KCTD16: variants seen among roughly 807,000 people sequenced by gnomAD.
KCTD16 encodes the protein potassium channel tetramerization domain containing 16, also known as BTB/POZ domain-containing protein KCTD16.
A neutral mutation model predicts 33.2 loss-of-function variants in KCTD16; 13 were observed. That is an observed-to-expected ratio of 0.39 (90% CI 0.25 to 0.62). KCTD16 has a LOEUF of 0.62. Among genes scored for constraint, KCTD16 ranks in the 20% least tolerant of loss-of-function variants. KCTD16 has a pLI of 0.50. For missense variants in KCTD16, 441 were observed against 525.1 expected (o/e 0.84, Z 1.57); for synonymous variants, 197 against 195.3 (o/e 1.01, Z -0.07).
At position 144,328,502 on chromosome 5, in the gene KCTD16, C is replaced by CT. The variant is rs959875687; in HGVS notation, c.832+120966dup. ...GATAGGACCAGGAAGCGAATATCCTCTTTTTTTTTTATTTTTTTTATTTTT... is the reference window on the plus strand; with the variant it reads ...GATAGGACCAGGAAGCGAATATCCTCTTTTTTTTTTTATTTTTTTTATTTTT... On this transcript the variant is annotated intron_variant, in intron 3 of 3. Transcript: ENST00000512467. 3.1e-3 allele frequency among the ~76,000 whole-genome samples: 455 copies of CT among 149,080 alleles called. 1 individual carries two copies. Among genetic ancestry groups the CT allele is most frequent in the Non-Finnish European group, 4.2e-3 (282 of 67,108 alleles).
At chr5:144,363,051 T>C (rs1330428689) in intron 3 of KCTD16, among the ~76,000 whole-genome samples, 2 of 152,190 alleles carry the variant, frequency 1.3e-5, no homozygotes, top group African/African-American at 4.8e-5. Context: ...ATTTGTTCTT[T>C]GAAGAAAATG....
At chr5:144,337,023 A>G (rs942449175) in intron 3 of KCTD16, among the ~76,000 whole-genome samples, 18 of 151,374 alleles carry the variant, frequency 1.2e-4, no homozygotes, top group African/African-American at 4.4e-4. Context: ...TGCTATATTA[A>G]CATACTGTTC....
Position 144,199,706 on chromosome 5 carries a change from CATT to C in KCTD16, c.-326-6682_-326-6680del, listed in dbSNP as rs1753005170. Among the ~76,000 whole-genome samples, 6 of 102,460 alleles carry C rather than the reference CATT, an allele frequency of 5.9e-5. No individual in the cohort carries two copies. In the South Asian group the frequency reaches 1.9e-3, roughly 32 times the overall value. The allele number at this position is 102,460 out of a possible 152,430, so 67.2% of individuals were successfully genotyped here. A position where few individuals can be genotyped will look rare whatever the true frequency, so the allele number is the denominator to read the frequency against. Reference sequence around the variant, plus strand: ...TTGACCATTTGTTCCAGAACAGCTTCATTTTTTTTTTTTTTTTTTTTTTTTTTT... The same window carrying C: ...TTGACCATTTGTTCCAGAACAGCTTCTTTTTTTTTTTTTTTTTTTTTTTTT... On this transcript the variant is annotated intron_variant, in intron 2 of 3. Coordinates refer to ENST00000512467, the MANE Select transcript of KCTD16 (RefSeq NM_020768.4).
chr5:144,296,750 G>A (rs1344121856), intron 3 of KCTD16, among the ~76,000 whole-genome samples: 1 of 151,920 alleles, frequency 6.6e-6, no homozygotes, highest in Non-Finnish European at 1.5e-5. Context: ...GTTTTGAGAA[G>A]TCAAGGTTAA....
At chr5:144,201,123 G>T (rs1371198571) in intron 2 of KCTD16, among the ~76,000 whole-genome samples, 1 of 152,194 alleles carries the variant, frequency 6.6e-6, no homozygotes, top group African/African-American at 2.4e-5. Context: ...GTTTGAGTCA[G>T]AGACTATATG....
chr5:144,247,716 A>G (rs1754588481), intron 3 of KCTD16, among the ~76,000 whole-genome samples: 1 of 152,236 alleles, frequency 6.6e-6, no homozygotes, highest in Non-Finnish European at 1.5e-5. Flanking sequence ...ATACATTACC[A>G]GAAAAGTAAA....
rs192553037 is a variant in KCTD16, at chr5:144,293,139, C to G, written c.832+85593C>G. ...CTCTTCTTTCCTCTAAGGCTACTCT[C>G]TGACTGATAGCTTTTTCTCTTCCCT... On this transcript the variant is annotated intron_variant, in intron 3 of 3. Coordinates refer to ENST00000512467, the MANE Select transcript of KCTD16 (RefSeq NM_020768.4). Among the ~76,000 whole-genome samples, 47 of 152,350 alleles carry G rather than the reference C, an allele frequency of 3.1e-4. No individual in the cohort carries two copies. In the East Asian group the frequency reaches 8.5e-3, roughly 28 times the overall value.
chr5:144,171,441 A>C (rs1752381185), intron 1 of KCTD16, among the ~76,000 whole-genome samples: 1 of 152,174 alleles, frequency 6.6e-6, no homozygotes, highest in Non-Finnish European at 1.5e-5. Context: ...AAAGATGAAA[A>C]TCGAGCTCTG....
intron 3 of KCTD16, among the ~76,000 whole-genome samples, chr5:144,418,436 T>A (rs1234651007): frequency 6.6e-6 from 1 of 152,154 alleles, no homozygotes; most frequent in Non-Finnish European, 1.5e-5. Flanking sequence ...TTTTACAGAG[T>A]GCTGATTGGT....
At chr5:144,445,724 T>C (rs2126980709) in intron 3 of KCTD16, among the ~76,000 whole-genome samples, 1 of 151,900 alleles carries the variant, frequency 6.6e-6, no homozygotes, top group East Asian at 1.9e-4. Flanking sequence ...TCTTCCTCAT[T>C]TTGGCCTAGA....
At chr5:144,245,793 G>A (rs1019228736) in intron 3 of KCTD16, among the ~76,000 whole-genome samples, 4 of 152,144 alleles carry the variant, frequency 2.6e-5, no homozygotes, top group Non-Finnish European at 5.9e-5. Context: ...GTGAAGTGCT[G>A]GCTCCCCCTT....
chr5:144,193,241 T>C (rs1467982483), intron 2 of KCTD16, among the ~76,000 whole-genome samples: 3 of 152,224 alleles, frequency 2.0e-5, no homozygotes, highest in African/African-American at 4.8e-5. Context: ...CTTCTAACTT[T>C]AAATTCCCAA....
chr5:144,184,497 C>T (rs1752686785), intron 2 of KCTD16, among the ~76,000 whole-genome samples: 1 of 152,092 alleles, frequency 6.6e-6, no homozygotes, highest in Non-Finnish European at 1.5e-5. Flanking sequence ...CCACTTGAGA[C>T]CCTGATTTCA....
At chr5:144,254,704 C>A (rs2126834410) in intron 3 of KCTD16, among the ~76,000 whole-genome samples, 1 of 152,236 alleles carries the variant, frequency 6.6e-6, no homozygotes, top group East Asian at 1.9e-4. Context: ...AACTGCCATT[C>A]CACTCCTTGA....
chr5:144,443,337 T>C (rs1753754020), intron 3 of KCTD16, among the ~76,000 whole-genome samples: 1 of 152,158 alleles, frequency 6.6e-6, no homozygotes, highest in Non-Finnish European at 1.5e-5. Flanking sequence ...TGTTTCTCCA[T>C]TTGGTGTATG....
intron 3 of KCTD16, among the ~76,000 whole-genome samples, chr5:144,416,626 T>C (rs188635296): frequency 6.6e-5 from 10 of 152,262 alleles, no homozygotes; most frequent in African/African-American, 2.2e-4. Context: ...TGAAGTGAGA[T>C]TTGCATAACA....
At chr5:144,257,870 A>G (rs1163591230) in intron 3 of KCTD16, among the ~76,000 whole-genome samples, 1 of 152,152 alleles carries the variant, frequency 6.6e-6, no homozygotes, top group Non-Finnish European at 1.5e-5. Context: ...CTGGGACAAC[A>G]CAGCATTAAC....
intron 3 of KCTD16, among the ~76,000 whole-genome samples, chr5:144,316,950 C>T (rs1299421616): frequency 6.6e-6 from 1 of 151,518 alleles, no homozygotes. Flanking sequence ...GTCTCAGCCT[C>T]CCAAGTAGCT....
intron 3 of KCTD16, among the ~76,000 whole-genome samples, chr5:144,373,028 GA>G (rs1308075874): frequency 6.6e-6 from 1 of 152,098 alleles, no homozygotes; most frequent in Non-Finnish European, 1.5e-5. Flanking sequence ...ACAGATTTAA[GA>G]AAAATTGAAG....
Sources: gnomAD v4.1 joint callset for allele counts (sites outside exome capture counted in the v4.1 genomes callset) on GRCh38, gnomAD v4.1.1 for gene constraint, MANE v1.5 for transcripts, NCBI Gene and HGNC (gene_info 2026-07-23, HGNC 2026-07-21) for gene names.